CXCL5: variants seen among roughly 807,000 people sequenced by gnomAD.
CXCL5 encodes C-X-C motif chemokine ligand 5.
A neutral mutation model predicts 12.1 loss-of-function variants in CXCL5; 13 were observed. The ratio of observed to expected loss-of-function variants is 1.08; its 90% confidence interval spans 0.70 to 1.71. The LOEUF is 1.71. Among genes scored for constraint, CXCL5 ranks in the 40% most tolerant of loss-of-function variants. The pLI is 0.00. For missense variants in CXCL5, 159 were observed against 142.4 expected (o/e 1.12, Z -0.59); for synonymous variants, 67 against 59.0 (o/e 1.14, Z -0.62).
At position 73,998,645 on chromosome 4, in the gene CXCL5, G is replaced by T. The variant is rs766355286; in HGVS notation, c.-64C>A. ...GAACTGGGTGGAGGAGCGGAGATTGGAGGAGCGAAGATTGGAGGATCCGGA... is the reference window on the plus strand; with the variant it reads ...GAACTGGGTGGAGGAGCGGAGATTGTAGGAGCGAAGATTGGAGGATCCGGA... On this transcript the variant is annotated 5_prime_UTR_variant, in exon 1 of 4. Coordinates refer to ENST00000296027, the MANE Select transcript of CXCL5 (RefSeq NM_002994.5). The T allele has an allele frequency of 2.4e-5, 34 of 1,404,094 alleles. No individual in the cohort carries two copies. The highest frequency in any genetic ancestry group is 3.3e-5 in the Non-Finnish European group (33 of 1,013,574). The allele number at this position is 1,404,094 out of a possible 1,614,324, so 87.0% of individuals were successfully genotyped here. A position where few individuals can be genotyped will look rare whatever the true frequency, so the allele number is the denominator to read the frequency against.
Position 73,997,541 on chromosome 4 carries a change from A to G in CXCL5, c.*96T>C. The G allele has an allele frequency of 1.1e-6, 1 of 929,844 alleles. No homozygotes were observed. The allele number at this position is 929,844 out of a possible 1,614,324, so 57.6% of individuals were successfully genotyped here. A position where few individuals can be genotyped will look rare whatever the true frequency, so the allele number is the denominator to read the frequency against. On this transcript the variant is annotated 3_prime_UTR_variant, in exon 4 of 4. Transcript: ENST00000296027. ...AAAACAAATAAACAAACAACAACAA[A>G]ATCTTTCCTTCTTGTCTTCCCTGGG...
In CXCL5 at chr4:73,998,300, C is replaced by T; in HGVS notation, c.148G>A (p.Val50Ile). ...ACTCCTTGCGTGGTCTGTAAACAAA[C>T]GCAACGCAGCTCTCTCAACACAGCA... The part of the protein sequence containing the change: ...AAAVLRELRC[V>I]CLQTTQGVHP... The change falls in exon 2 of 4, where the codon GTT becomes ATT. Residue 50 changes from valine (V) to isoleucine (I), a missense_variant. Coordinates refer to ENST00000296027, the MANE Select transcript of CXCL5 (RefSeq NM_002994.5). 3 of 1,614,216 alleles carry T rather than the reference C, an allele frequency of 1.9e-6. No homozygotes were observed. The highest frequency in any genetic ancestry group is 2.2e-5 in the East Asian group (1 of 44,870).
chr4:73,995,960 T>C lies in CXCL5; in HGVS notation c.*1677A>G, dbSNP rs1025617173. On this transcript the variant is annotated 3_prime_UTR_variant, in exon 4 of 4. Transcript: ENST00000296027. ...TTTTGTTTTTGCCATTTAAATATTA[T>C]CACAGAATCCTATTCTGAAAGACAA... The C allele has an allele frequency of 5.9e-5, 9 of 152,248 alleles. No individual in the cohort carries two copies. The highest frequency in any genetic ancestry group is 1.9e-4 in the African/African-American group (8 of 41,426). The allele number at this position is 152,248 out of a possible 1,614,324, so 9.4% of individuals were successfully genotyped here.
rs1719203134 is a variant in CXCL5 at position 73,996,751 on chromosome 4, T to C, written c.*886A>G. The C allele has an allele frequency of 1.3e-5, 2 of 152,606 alleles. No individual in the cohort carries two copies. Among genetic ancestry groups the C allele is most frequent in the Non-Finnish European group, 2.9e-5 (2 of 68,036 alleles). The allele number at this position is 152,606 out of a possible 1,614,324, so 9.5% of individuals were successfully genotyped here. On this transcript the variant is annotated 3_prime_UTR_variant, in exon 4 of 4. Transcript: ENST00000296027. ...TCCAAAACTTTCAGAGTACAAGTCA[T>C]TGTTAAGTTTGCCTTTACTTTAAAA...
At chr4:73,997,923 C>T in intron 3 of CXCL5, 89 bp downstream of exon 3, 1 of 1,180,014 alleles carries the variant, frequency 8.5e-7, no homozygotes, top group Non-Finnish European at 1.2e-6. Flanking sequence ...AAAAGTGTTA[C>T]TTAAATCGTA....
In CXCL5 at chr4:73,997,438, TGAA is replaced by T; in HGVS notation, c.*196_*198del. The T allele has an allele frequency of 1.8e-6, 1 of 569,580 alleles. No individual in the cohort carries two copies. The highest frequency in any genetic ancestry group is 2.4e-5 in the South Asian group (1 of 42,098). The allele number at this position is 569,580 out of a possible 1,614,324, so 35.3% of individuals were successfully genotyped here. On this transcript the variant is annotated 3_prime_UTR_variant, in exon 4 of 4. Transcript: ENST00000296027. ...ATGCTAAACACTTCATTAGCTGAGC[TGAA>T]AGCTTAAGCGGCAAACATAGGTTTT...
At chr4:73,997,793 A>T in intron 3 of CXCL5, 138 bp from the exon 4 acceptor site, 1 of 789,994 alleles carries the variant, frequency 1.3e-6, no homozygotes, top group Non-Finnish European at 2.0e-6. Flanking sequence ...TAAACAAAAA[A>T]CATAACTTAG....
In CXCL5 at chr4:73,996,489, A is replaced by AAGG. The variant is rs1719196554; in HGVS notation, c.*1147_*1148insCCT. On this transcript the variant is annotated 3_prime_UTR_variant, in exon 4 of 4. Transcript: ENST00000296027. ...CACCTTATATATAATTATATATTCT[A>AAGG]CCATAAATGCTGGCCTTCTTCAAAT... The AAGG allele has an allele frequency of 6.6e-6, 1 of 152,564 alleles. No individual in the cohort carries two copies. Among genetic ancestry groups the AAGG allele is most frequent in the African/African-American group, 2.4e-5 (1 of 41,400 alleles). 9.5% of individuals were successfully genotyped at this position (152,564 alleles called of 1,614,324 possible).
In CXCL5 at chr4:73,998,356, A is replaced by G; in HGVS notation, c.110-18T>C. 6.2e-7 allele frequency: 1 copy of G among 1,613,866 alleles called. No homozygotes were observed. The highest frequency in any genetic ancestry group is 8.5e-7 in the Non-Finnish European group (1 of 1,179,960). ...AGGACCAGCTGGGGAAGAAAGAGAG[A>G]CACCCTTTATAGGGCAGGTTGCTGG... On this transcript the variant is annotated intron_variant, in intron 1 of 3. Transcript: ENST00000296027.
intron 1 of CXCL5, 51 bp from the exon 2 acceptor site, chr4:73,998,389 C>T (rs891770891): frequency 2.2e-5 from 36 of 1,609,746 alleles, no homozygotes; most frequent in Non-Finnish European, 3.1e-5. Flanking sequence ...TGGGAGAGTT[C>T]CCTGGAACGC....
Sources: gnomAD v4.1 joint callset for allele counts on GRCh38, gnomAD v4.1.1 for gene constraint, MANE v1.5 for transcripts, NCBI Gene and HGNC (gene_info 2026-07-23, HGNC 2026-07-21) for gene names.